The following MMP16 variants were observed in gnomAD, a reference collection of about 807,000 sequenced individuals.
The protein encoded by MMP16 is matrix metalloproteinase-16.
Under a neutral mutation model 67.8 loss-of-function variants are expected in MMP16, and 12 were observed. The ratio of observed to expected loss-of-function variants is 0.18; its 90% confidence interval spans 0.11 to 0.29. MMP16 has a LOEUF of 0.29. Among genes scored for constraint, MMP16 ranks in the 10% least tolerant of loss-of-function variants. The probability of loss-of-function intolerance (pLI) is 1.00; values close to 1 mark genes in which losing one functional copy is unlikely to be tolerated. For synonymous variants in MMP16, 249 were observed against 255.9 expected, an observed-to-expected ratio of 0.97 and a Z score of 0.26; for missense variants, 475 against 765.7, an observed-to-expected ratio of 0.62 and a Z score of 4.48.
chr8:88,317,817 A>G (rs1811397763), intron 1 of MMP16, among the ~76,000 whole-genome samples: 1 of 152,232 alleles, frequency 6.6e-6, no homozygotes, highest in East Asian at 1.9e-4. Context: ...GTCAACCACC[A>G]TATTGGAGTT....
At chr8:88,295,865 T>C (rs1811004877) in intron 1 of MMP16, among the ~76,000 whole-genome samples, 1 of 152,180 alleles carries the variant, frequency 6.6e-6, no homozygotes, top group African/African-American at 2.4e-5. Flanking sequence ...TGCAGGATGA[T>C]ATTACCAAGA....
At chr8:88,064,891 G>A (rs1458670757) in intron 7 of MMP16, among the ~76,000 whole-genome samples, 1 of 152,054 alleles carries the variant, frequency 6.6e-6, no homozygotes, top group Non-Finnish European at 1.5e-5. Flanking sequence ...GCTTGTGCAA[G>A]TGTGGTTGCC....
intron 3 of MMP16, among the ~76,000 whole-genome samples, chr8:88,173,262 G>A (rs1212333431): frequency 2.6e-5 from 4 of 152,194 alleles, no homozygotes; most frequent in Non-Finnish European, 5.9e-5. Flanking sequence ...ATGTTGCCCA[G>A]GATGGTCTTG....
intron 4 of MMP16, among the ~76,000 whole-genome samples, chr8:88,155,603 C>T (rs1808495783): frequency 6.6e-6 from 1 of 152,090 alleles, no homozygotes; most frequent in South Asian, 2.1e-4. Context: ...ATCTTGCATT[C>T]TTAAGCTGGA....
rs556648572 is a variant in MMP16 at position 88,047,274 on chromosome 8, C to G, written c.1374-490G>C. Among the ~76,000 whole-genome samples, 6 of 152,078 alleles carry G rather than the reference C, an allele frequency of 3.9e-5. No individual in the cohort carries two copies. The South Asian group carries it at 1.2e-3, about 32-fold the overall frequency. On this transcript the variant is annotated intron_variant, in intron 8 of 9. Coordinates refer to ENST00000286614, the MANE Select transcript of MMP16 (RefSeq NM_005941.5). The stretch of plus-strand genomic sequence containing the variant: ...ATATTTAGTGAATATATATTATGTT[C>G]CTGGCGTTATTATAGGGCTAGAGAT...
chr8:88,187,350 T>A (rs146989438), intron 2 of MMP16, among the ~76,000 whole-genome samples: 2 of 152,312 alleles, frequency 1.3e-5, no homozygotes, highest in African/African-American at 4.8e-5. Flanking sequence ...CTAGAGAGTC[T>A]CATTGGACCA....
intron 1 of MMP16, among the ~76,000 whole-genome samples, chr8:88,326,479 TAAAAAGAG>T (rs1586021992): frequency 6.6e-6 from 1 of 151,828 alleles, no homozygotes; most frequent in South Asian, 2.1e-4. Context: ...AGAAGACACT[TAAAAAGAG>T]ATGGATTTCA....
At chr8:88,180,191 G>C (rs1331965238) in intron 3 of MMP16, among the ~76,000 whole-genome samples, 1 of 151,890 alleles carries the variant, frequency 6.6e-6, no homozygotes, top group Non-Finnish European at 1.5e-5. Flanking sequence ...TGAGGCAGGA[G>C]AATCGCTTGA....
intron 1 of MMP16, among the ~76,000 whole-genome samples, chr8:88,302,956 T>G (rs1811127859): frequency 6.6e-6 from 1 of 152,116 alleles, no homozygotes; most frequent in Non-Finnish European, 1.5e-5. Context: ...CGGTGAGTGA[T>G]TGTATGATCC....
chr8:88,200,247 G>A (rs1214580578), intron 1 of MMP16, among the ~76,000 whole-genome samples: 1 of 151,938 alleles, frequency 6.6e-6, no homozygotes, highest in Non-Finnish European at 1.5e-5. Flanking sequence ...AGGAAGGTGT[G>A]ATACATTTGA....
intron 4 of MMP16, among the ~76,000 whole-genome samples, chr8:88,129,419 CTTATAAACAAATTTGT>C (rs970449659): frequency 2.0e-5 from 3 of 151,532 alleles, no homozygotes; most frequent in Non-Finnish European, 4.4e-5. Context: ...AGATTAAAAA[CTTATAAACAAATTTGT>C]TTTTATAAAA....
intron 1 of MMP16, among the ~76,000 whole-genome samples, chr8:88,246,163 T>C (rs1810109993): frequency 6.6e-6 from 1 of 152,100 alleles, no homozygotes; most frequent in African/African-American, 2.4e-5. Flanking sequence ...GCCAGAAAGA[T>C]GACATAGCTT....
chr8:88,308,727 A>T (rs1023254962), intron 1 of MMP16, among the ~76,000 whole-genome samples: 5 of 152,230 alleles, frequency 3.3e-5, no homozygotes, highest in Admixed American at 2.6e-4. Flanking sequence ...AATGCTGCAG[A>T]TTTGAAACAT....
At chr8:88,320,586 G>A (rs1811443200) in intron 1 of MMP16, among the ~76,000 whole-genome samples, 1 of 152,066 alleles carries the variant, frequency 6.6e-6, no homozygotes, top group South Asian at 2.1e-4. Context: ...GGTGCCAAGA[G>A]GCCCTCAGTA....
chr8:88,260,517 CCTAA>C (rs1430904458), intron 1 of MMP16, among the ~76,000 whole-genome samples: 1 of 151,884 alleles, frequency 6.6e-6, no homozygotes, highest in Non-Finnish European at 1.5e-5. Context: ...TTTGTAGAGC[CCTAA>C]CTGAGCATTC....
intron 1 of MMP16, among the ~76,000 whole-genome samples, chr8:88,262,846 C>CAAAAAAAA (rs71277991): frequency 2.6e-4 from 14 of 53,474 alleles, no homozygotes; most frequent in Admixed American, 3.5e-4. Flanking sequence ...ACTAAAAATA[C>CAAAAAAAA]AAAAAAAAAA....
intron 1 of MMP16, among the ~76,000 whole-genome samples, chr8:88,323,681 A>C (rs910404760): frequency 6.6e-6 from 1 of 152,166 alleles, no homozygotes; most frequent in Admixed American, 6.5e-5. Flanking sequence ...TGCTGTTCAC[A>C]TAAGTAATAT....
At chr8:88,070,083 C>T (rs936463179) in intron 7 of MMP16, among the ~76,000 whole-genome samples, 2 of 151,942 alleles carry the variant, frequency 1.3e-5, no homozygotes, top group Non-Finnish European at 2.9e-5. Flanking sequence ...TATTTCTTTC[C>T]AATCTAAAAT....
chr8:88,142,688 A>C (rs1284940983), intron 4 of MMP16, among the ~76,000 whole-genome samples: 1 of 152,140 alleles, frequency 6.6e-6, no homozygotes, highest in African/African-American at 2.4e-5. Flanking sequence ...ACCAGGAAAT[A>C]AACTGTTTTA....
Sources: allele counts gnomAD v4.1 joint callset (sites outside exome capture counted in the v4.1 genomes callset), GRCh38; gene constraint gnomAD v4.1.1; transcripts MANE v1.5; gene names NCBI Gene and HGNC (gene_info 2026-07-23, HGNC 2026-07-21).